Variants in FMO4 observed in about 807,000 individuals in gnomAD.
FMO4 encodes the protein dimethylaniline monooxygenase [N-oxide-forming] 4.
Under a neutral mutation model 43.3 loss-of-function variants are expected in FMO4, and 38 were observed. That is an observed-to-expected ratio of 0.88 (90% confidence interval 0.68 to 1.15). The LOEUF (loss-of-function observed/expected upper bound fraction) is 1.15, where lower values mean the gene tolerates loss of function less well. Ranked by LOEUF, FMO4 falls within the 50% of genes most tolerant of loss-of-function variation. The pLI, the probability that FMO4 is intolerant of heterozygous loss-of-function variation, is 0.00. For missense variants in FMO4, 631 were observed against 663.3 expected (o/e 0.95, Z 0.54); for synonymous variants, 224 against 232.2 (o/e 0.96, Z 0.32).
chr1:171,321,736 T>G (rs906683365), intron 3 of FMO4, among the ~76,000 whole-genome samples: 2 of 152,166 alleles, frequency 1.3e-5, no homozygotes, highest in African/African-American at 4.8e-5. Context: ...CAAGTACTTA[T>G]CATGTCCTTC....
chr1:171,337,206 A>ATGCT (rs1663156588), intron 8 of FMO4, 150 bp from the exon 9 acceptor site: 1 of 684,010 alleles, frequency 1.5e-6, no homozygotes, highest in African/African-American at 1.8e-5. Flanking sequence ...CCTCCAGAAA[A>ATGCT]TTATTTTCTG....
chr1:171,328,831 G>C (rs1426100471), intron 5 of FMO4, among the ~76,000 whole-genome samples: 1 of 152,038 alleles, frequency 6.6e-6, no homozygotes, highest in Non-Finnish European at 1.5e-5. Context: ...TGTGGGGCTT[G>C]TCCTTCCGTT....
At position 171,341,396 on chromosome 1, in the gene FMO4, CTCT is replaced by C. The variant is rs1247202671; in HGVS notation, c.1251-15_1251-13del. On this transcript the variant is annotated splice_polypyrimidine_tract_variant and intron_variant, in intron 9 of 9. Coordinates refer to ENST00000367749, the MANE Select transcript of FMO4 (RefSeq NM_002022.3). ...AGGTGTGATTAATGAAAGGTCCTCC[CTCT>C]TTTTTCCTCTCAGGGGAGTGTTTAA... 3 of 1,599,470 alleles carry C rather than the reference CTCT, an allele frequency of 1.9e-6. No individual in the cohort carries two copies. In the African/African-American group the frequency reaches 4.0e-5, roughly 21 times the overall value.
chr1:171,323,977 A>G (rs772412844), intron 4 of FMO4, among the ~76,000 whole-genome samples, 161 bp from the exon 5 acceptor site: 4 of 152,228 alleles, frequency 2.6e-5, no homozygotes, highest in Admixed American at 6.5e-5. Context: ...GTGAGTTTGC[A>G]TAAGTTACTT....
In FMO4 at chr1:171,324,175, C is replaced by T. The variant is rs1354007500; in HGVS notation, c.359C>T (p.Ser120Phe). ...VCSITKRPDFSETGQWDVVTE... is the reference protein window; with the variant it reads ...VCSITKRPDFFETGQWDVVTE... ...AGCATAACGAAGCGTCCAGACTTCTCCGAAACTGGTCAGTGGGATGTTGTC... is the reference window on the plus strand; with the variant it reads ...AGCATAACGAAGCGTCCAGACTTCTTCGAAACTGGTCAGTGGGATGTTGTC... Residue 120 changes from serine (S) to phenylalanine (F), a missense_variant, in exon 5 of 10, where the codon TCC (serine) becomes TTC (phenylalanine). Coordinates refer to ENST00000367749, the MANE Select transcript of FMO4 (RefSeq NM_002022.3). The T allele has an allele frequency of 1.9e-6, 3 of 1,613,280 alleles. No homozygotes were observed. The highest frequency in any genetic ancestry group is 2.5e-6 in the Non-Finnish European group (3 of 1,179,684).
rs751595529 is a variant in FMO4, at chr1:171,319,897, G to A, written c.72G>A (p.Glu24=). 1.9e-6 allele frequency: 3 copies of A among 1,613,892 alleles called. No individual in the cohort carries two copies. Among genetic ancestry groups the A allele is most frequent in the East Asian group, 4.5e-5 (2 of 44,864 alleles). Residue 24 remains glutamate, a synonymous_variant, in exon 3 of 10, where the codon GAG becomes GAA. Coordinates refer to ENST00000367749, the MANE Select transcript of FMO4 (RefSeq NM_002022.3). ...CCTCCATCAAATGCTGTGTGGATGA[G>A]GACCTGGAGCCCACCTGCTTTGAGA... The part of the protein sequence containing the change: ...GLSSIKCCVD[E]DLEPTCFERS...
chr1:171,328,691 T>C (rs962068198), intron 5 of FMO4, among the ~76,000 whole-genome samples: 21 of 152,046 alleles, frequency 1.4e-4, no homozygotes, highest in Non-Finnish European at 1.3e-4. Flanking sequence ...AACTGCCTTT[T>C]GTCCTCACAT....
chr1:171,321,802 G>A lies in FMO4; in HGVS notation c.133-1202G>A, dbSNP rs915354406. The stretch of plus-strand genomic sequence containing the variant: ...AGGGGCTCTGCCCTCCTTGTAGTCC[G>A]GTGGGAAACAGAAACAGTAAATAGG... On this transcript the variant is annotated intron_variant, in intron 3 of 9. Transcript: ENST00000367749. Among the ~76,000 whole-genome samples the A allele has an allele frequency of 4.6e-5, 7 of 152,064 alleles. No individual in the cohort carries two copies. In the South Asian group the frequency reaches 6.2e-4, roughly 14 times the overall value.
At chr1:171,335,680 C>T (rs12142448) in intron 8 of FMO4, among the ~76,000 whole-genome samples, 3,098 of 151,990 alleles carry the variant, frequency 0.02, 64 homozygotes, top group African/African-American at 0.049. Flanking sequence ...ATATAATAGG[C>T]ATCAATCACA....
intron 5 of FMO4, among the ~76,000 whole-genome samples, chr1:171,328,641 C>A (rs1662769302): frequency 1.3e-5 from 2 of 150,046 alleles, no homozygotes; most frequent in South Asian, 2.1e-4. Flanking sequence ...CAGAGCAAGA[C>A]CCTGTCTCAA....
intron 3 of FMO4, among the ~76,000 whole-genome samples, chr1:171,320,842 A>C (rs1424826247): frequency 6.6e-6 from 1 of 152,040 alleles, no homozygotes; most frequent in Non-Finnish European, 1.5e-5. Flanking sequence ...AAACAAAAAA[A>C]ATAAGATGGA....
intron 7 of FMO4, 149 bp from the exon 8 acceptor site, chr1:171,334,262 C>T: frequency 1.7e-6 from 1 of 597,802 alleles, no homozygotes. Flanking sequence ...TATAAACATA[C>T]TAAGTCAAGT....
intron 5 of FMO4, among the ~76,000 whole-genome samples, chr1:171,328,981 T>G (rs891334942): frequency 2.0e-5 from 3 of 152,196 alleles, no homozygotes; most frequent in Non-Finnish European, 4.4e-5. Context: ...AGTCAAAATG[T>G]GCAACTGTAT....
chr1:171,324,636 C>T (rs2101886139), intron 5 of FMO4, among the ~76,000 whole-genome samples: 1 of 152,088 alleles, frequency 6.6e-6, no homozygotes, highest in Middle Eastern at 3.4e-3. Flanking sequence ...TAATTTGAAT[C>T]AGGACTGGCC....
chr1:171,318,016 C>A (rs1331406907), intron 2 of FMO4, among the ~76,000 whole-genome samples: 3 of 152,048 alleles, frequency 2.0e-5, no homozygotes, highest in Non-Finnish European at 4.4e-5. Context: ...TACTCCTTAT[C>A]CAAAATACTT....
chr1:171,336,959 A>C (rs1663142769), intron 8 of FMO4, among the ~76,000 whole-genome samples: 1 of 125,410 alleles, frequency 8.0e-6, no homozygotes, highest in Admixed American at 7.6e-5. Flanking sequence ...TAACACAAAC[A>C]TGCACACACA....
chr1:171,327,329 G>A (rs1463635181), intron 5 of FMO4, among the ~76,000 whole-genome samples: 1 of 152,196 alleles, frequency 6.6e-6, no homozygotes, highest in African/African-American at 2.4e-5. Flanking sequence ...TCTCTTCTGG[G>A]AGGGAGTATA....
chr1:171,322,670 T>G (rs1322437542), intron 3 of FMO4, among the ~76,000 whole-genome samples: 1 of 152,152 alleles, frequency 6.6e-6, no homozygotes, highest in East Asian at 1.9e-4. Context: ...CTGGCCAACA[T>G]GGTGAAATCC....
Position 171,334,644 on chromosome 1 carries a change from A to C in FMO4, c.1061A>C (p.Gln354Pro). Residue 354 changes from glutamine (Q) to proline (P), a missense_variant, in exon 8 of 10, where the codon CAA becomes CCA. Coordinates refer to ENST00000367749, the MANE Select transcript of FMO4 (RefSeq NM_002022.3). Reference sequence around the variant, plus strand: ...ACAAAGAAGATATTTCTATACAAGCAAGTCTTTCCCTTAAACCTAGAGAGA... The same window carrying C: ...ACAAAGAAGATATTTCTATACAAGCCAGTCTTTCCCTTAAACCTAGAGAGA... ...LCTKKIFLYK[Q>P]VFPLNLERAT... 8 of 1,613,568 alleles carry C rather than the reference A, an allele frequency of 5.0e-6. No individual in the cohort carries two copies. The highest frequency in any genetic ancestry group is 6.8e-6 in the Non-Finnish European group (8 of 1,179,514).
Sources: gnomAD v4.1 joint callset for allele counts (sites outside exome capture counted in the v4.1 genomes callset) on GRCh38, gnomAD v4.1.1 for gene constraint, MANE v1.5 for transcripts, NCBI Gene and HGNC (gene_info 2026-07-23, HGNC 2026-07-21) for gene names.